LRP1B: variants seen among roughly 807,000 people sequenced by gnomAD.
The protein encoded by LRP1B is LDL receptor related protein 1B, also known as low-density lipoprotein receptor-related protein 1B.
In LRP1B, 217 loss-of-function variants were observed where a neutral mutation model predicts 556.6. The observed-to-expected ratio is 0.39, with a 90% CI of 0.35 to 0.44. LRP1B has a LOEUF of 0.44. LRP1B is among the 20% of genes least tolerant of loss of function. The probability of loss-of-function intolerance (pLI) is 1.00; values close to 1 mark genes in which losing one functional copy is unlikely to be tolerated. For synonymous variants in LRP1B, 2,047 were observed against 1,865.8 expected (o/e 1.10, Z -2.50); for missense variants, 5,053 against 5,620.8 (o/e 0.90, Z 3.23).
At chr2:141,248,219 G>A (rs1056810705) in intron 4 of LRP1B, among the ~76,000 whole-genome samples, 2 of 152,136 alleles carry the variant, frequency 1.3e-5, no homozygotes, top group Non-Finnish European at 2.9e-5. Flanking sequence ...AAGGCATCCT[G>A]TCAGTAGTTA....
chr2:141,456,012 A>C (rs567605878), intron 3 of LRP1B, among the ~76,000 whole-genome samples: 5 of 152,204 alleles, frequency 3.3e-5, no homozygotes, highest in Admixed American at 3.3e-4. Flanking sequence ...GGCTGAGTAC[A>C]AACAGCAGGA....
intron 1 of LRP1B, among the ~76,000 whole-genome samples, chr2:141,963,378 G>C (rs551671850): frequency 3.9e-5 from 6 of 151,954 alleles, no homozygotes; most frequent in South Asian, 2.1e-4. Flanking sequence ...TTTATAGTAA[G>C]ACAAGATGTG....
intron 7 of LRP1B, among the ~76,000 whole-genome samples, chr2:141,176,984 A>G (rs534892528): frequency 6.6e-6 from 1 of 152,212 alleles, no homozygotes; most frequent in South Asian, 2.1e-4. Flanking sequence ...CAAAATGTGT[A>G]TTGGTTGGCT....
intron 37 of LRP1B, among the ~76,000 whole-genome samples, chr2:140,712,553 T>C (rs1193571093): frequency 6.6e-6 from 1 of 152,028 alleles, no homozygotes; most frequent in African/African-American, 2.4e-5. Flanking sequence ...TTCCAACCAG[T>C]TTATTTCCCC....
At chr2:141,787,106 G>A (rs547867750) in intron 2 of LRP1B, among the ~76,000 whole-genome samples, 9 of 152,000 alleles carry the variant, frequency 5.9e-5, no homozygotes, top group African/African-American at 1.9e-4. Context: ...TGCTGGTAAA[G>A]ATGCAAAACA....
intron 2 of LRP1B, among the ~76,000 whole-genome samples, chr2:141,491,470 CT>C (rs1408989758): frequency 2.7e-5 from 4 of 148,556 alleles, no homozygotes; most frequent in African/African-American, 9.7e-5. Flanking sequence ...TCCTCTTGTT[CT>C]TTGGGACTAC....
At chr2:142,069,971 T>C (rs1309178863) in intron 1 of LRP1B, among the ~76,000 whole-genome samples, 1 of 151,748 alleles carries the variant, frequency 6.6e-6, no homozygotes, top group African/African-American at 2.4e-5. Context: ...AGCCTAGTAG[T>C]CTGGAGTTAT....
At chr2:141,261,508 C>T (rs935863492) in intron 3 of LRP1B, among the ~76,000 whole-genome samples, 2 of 152,108 alleles carry the variant, frequency 1.3e-5, no homozygotes, top group Non-Finnish European at 2.9e-5. Context: ...TGCACCTCTA[C>T]AGTCAACCCA....
intron 83 of LRP1B, among the ~76,000 whole-genome samples, chr2:140,302,894 T>G (rs1245894397): frequency 6.6e-6 from 1 of 151,580 alleles, no homozygotes; most frequent in Non-Finnish European, 1.5e-5. Context: ...TCTCCGATTT[T>G]TAGATTTGGA....
intron 2 of LRP1B, among the ~76,000 whole-genome samples, chr2:141,520,030 G>A (rs1366674119): frequency 6.6e-6 from 1 of 152,158 alleles, no homozygotes; most frequent in African/African-American, 2.4e-5. Flanking sequence ...GATTTTCAGA[G>A]AGAGGATACC....
At chr2:142,023,233 G>T (rs1287289185) in intron 1 of LRP1B, among the ~76,000 whole-genome samples, 1 of 152,114 alleles carries the variant, frequency 6.6e-6, no homozygotes, top group Non-Finnish European at 1.5e-5. Context: ...CTAATGAGCT[G>T]ATGCAATAAA....
chr2:140,307,743 A>G (rs1428787902), intron 83 of LRP1B, among the ~76,000 whole-genome samples: 1 of 151,728 alleles, frequency 6.6e-6, no homozygotes, highest in African/African-American at 2.4e-5. Context: ...TATTTCTTTG[A>G]TATGGGCAGA....
At chr2:141,403,220 TAA>T (rs553281039) in intron 3 of LRP1B, among the ~76,000 whole-genome samples, 112 of 152,248 alleles carry the variant, frequency 7.4e-4, no homozygotes, top group African/African-American at 2.6e-3. Context: ...AATGTGAGCC[TAA>T]GAGTGTTTAT....
intron 3 of LRP1B, among the ~76,000 whole-genome samples, chr2:141,259,113 A>G (rs1332829622): frequency 2.6e-5 from 4 of 152,220 alleles, no homozygotes; most frequent in Admixed American, 1.3e-4. Flanking sequence ...CTTCTAGGCC[A>G]TTTGATTTAG....
chr2:140,601,753 T>C, intron 41 of LRP1B, 114 bp from the exon 42 acceptor site: 3 of 579,846 alleles, frequency 5.2e-6, no homozygotes, highest in Non-Finnish European at 5.4e-6. Context: ...CAACCATTTC[T>C]CCACAAAATC....
intron 5 of LRP1B, among the ~76,000 whole-genome samples, chr2:141,240,254 C>T (rs1282001234): frequency 6.6e-6 from 1 of 151,994 alleles, no homozygotes; most frequent in Admixed American, 6.6e-5. Flanking sequence ...AAGGAGTGCC[C>T]AAAGGGCATT....
intron 1 of LRP1B, among the ~76,000 whole-genome samples, chr2:141,818,502 C>T (rs559704129): frequency 3.1e-4 from 46 of 146,876 alleles, no homozygotes; most frequent in African/African-American, 1.0e-3. Flanking sequence ...ATATTCTATT[C>T]ACTTTCCCTA....
rs754802546 is a variant in LRP1B at position 140,233,297 on chromosome 2, T to C, written c.13689A>G (p.Ala4563=). ...AGTTTTGCCCATCCATATATAATTT[T>C]GCATATACCGGATTGGAGTAATTTG... ...GPTNYSNPVY[A]KLYMDGQNCR... Residue 4563 remains alanine (A), a synonymous_variant, in exon 91 of 91, where the codon GCA becomes GCG. Transcript: ENST00000389484. The C allele has an allele frequency of 5.0e-6, 8 of 1,602,660 alleles. No homozygotes were observed. Among genetic ancestry groups the C allele is most frequent in the Non-Finnish European group, 6.8e-6 (8 of 1,172,922 alleles).
At chr2:141,122,266 T>C in intron 7 of LRP1B, among the ~76,000 whole-genome samples, 1 of 151,982 alleles carries the variant, frequency 6.6e-6, no homozygotes, top group Non-Finnish European at 1.5e-5. Context: ...CTAATTAAAC[T>C]AAAGAGCTTC....
Sources: gnomAD v4.1 joint callset for allele counts (sites outside exome capture counted in the v4.1 genomes callset) on GRCh38, gnomAD v4.1.1 for gene constraint, MANE v1.5 for transcripts, NCBI Gene and HGNC (gene_info 2026-07-23, HGNC 2026-07-21) for gene names.